Variants in SPAG4 observed in about 807,000 individuals in gnomAD.
SPAG4 encodes the protein sperm associated antigen 4.
A neutral mutation model predicts 53.9 loss-of-function variants in SPAG4; 54 were observed. The observed-to-expected ratio is 1.00, with a 90% confidence interval of 0.80 to 1.26. The LOEUF is 1.26. Among genes scored for constraint, SPAG4 ranks in the 50% most tolerant of loss-of-function variants. The probability of loss-of-function intolerance (pLI) is 0.00; values close to 1 mark genes in which losing one functional copy is unlikely to be tolerated. For synonymous variants in SPAG4, 246 were observed against 237.4 expected (o/e 1.04, Z -0.33); for missense variants, 548 against 568.6 (o/e 0.96, Z 0.37).
intron 6 of SPAG4, 67 bp from the exon 7 acceptor site, chr20:35,618,544 TG>T (rs1334394888): frequency 1.2e-6 from 2 of 1,601,864 alleles, no homozygotes; most frequent in Non-Finnish European, 1.7e-6. Context: ...CTTGAAGGCG[TG>T]GGGGCCTTTG....
rs747203287 is a variant in SPAG4, at chr20:35,621,069, G to A, written c.*47G>A. On this transcript the variant is annotated 3_prime_UTR_variant, in exon 12 of 12. Coordinates refer to ENST00000374273, the MANE Select transcript of SPAG4 (RefSeq NM_003116.3). ...AATTGAGTTCTGCTGAAGGATACTG[G>A]ATCAGTGCTTTCGGGGGCTCTGTTG... 2.3e-5 allele frequency: 36 copies of A among 1,594,068 alleles called. No individual in the cohort carries two copies. The Admixed American group carries it at 2.9e-4, about 13-fold the overall frequency.
At chr20:35,617,042 C>G in intron 1 of SPAG4, 94 bp from the exon 2 acceptor site, 1 of 796,946 alleles carries the variant, frequency 1.3e-6, no homozygotes. Flanking sequence ...TCCCAGCTGT[C>G]TGGCTTGTGG....
At position 35,619,764 on chromosome 20, in the gene SPAG4, C is replaced by A; in HGVS notation, c.1077+18C>A. ...CGGTCTTTGTGAGTGCGGACGAGGT[C>A]AGGAGGTGGGGGATTTTGCCTAGAG... is the stretch of plus-strand genomic sequence containing the variant. On this transcript the variant is annotated intron_variant, in intron 10 of 11. Coordinates refer to ENST00000374273, the MANE Select transcript of SPAG4 (RefSeq NM_003116.3). The A allele has an allele frequency of 6.3e-7, 1 of 1,595,574 alleles. No individual in the cohort carries two copies. The highest frequency in any genetic ancestry group is 1.1e-5 in the South Asian group (1 of 90,562).
intron 1 of SPAG4, chr20:35,616,742 G>C (rs891813180): frequency 9.0e-6 from 2 of 221,230 alleles, no homozygotes; most frequent in Non-Finnish European, 1.8e-5. Context: ...CGATTCTCCC[G>C]CCTCAGCCTC....
chr20:35,619,701 G>A lies in SPAG4; in HGVS notation c.1032G>A (p.Glu344=). 1.2e-6 allele frequency: 2 copies of A among 1,613,482 alleles called. No homozygotes were observed. Among genetic ancestry groups the A allele is most frequent in the Non-Finnish European group, 1.7e-6 (2 of 1,179,552 alleles). The part of the protein sequence containing the change: ...ITLQHPPPSV[E]HTGGANSAPR... Reference sequence around the variant, plus strand: ...TGCAGCATCCACCGCCCAGCGTGGAGCACACCGGAGGAGCCAACAGCGCCC... The same window carrying A: ...TGCAGCATCCACCGCCCAGCGTGGAACACACCGGAGGAGCCAACAGCGCCC... The change falls in exon 10 of 12, where the codon GAG becomes GAA. Residue 344 remains glutamate, a synonymous_variant. Transcript: ENST00000374273.
At chr20:35,619,491 A>T in intron 9 of SPAG4, 88 bp from the exon 10 acceptor site, 1 of 1,550,018 alleles carries the variant, frequency 6.5e-7, no homozygotes, top group Non-Finnish European at 8.8e-7. Flanking sequence ...GGGCGGGTCG[A>T]TGGATGGGGT....
Position 35,619,642 on chromosome 20 carries a change from C to G in SPAG4, c.973C>G (p.Leu325Val). ...CGACCAAGGCCAGGTGGTGATCCAA[C>G]TGCCGGGCCGAGTGCAGCTGAGCGA... ...EGDQGQVVIQ[L>V]PGRVQLSDIT... Residue 325 changes from leucine to valine, a missense_variant, in exon 10 of 12, where the codon CTG becomes GTG. By Grantham distance (32) the Leu-to-Val change is conservative. Transcript: ENST00000374273. 1.2e-6 allele frequency: 2 copies of G among 1,614,058 alleles called. No homozygotes were observed. The highest frequency in any genetic ancestry group is 1.7e-6 in the Non-Finnish European group (2 of 1,180,016).
intron 6 of SPAG4, 32 bp downstream of exon 6, chr20:35,618,507 G>C (rs1451242331): frequency 2.0e-5 from 33 of 1,613,280 alleles, no homozygotes; most frequent in Non-Finnish European, 2.7e-5. Flanking sequence ...GGGAAATTGG[G>C]GGGCTCAAAG....
chr20:35,617,554 C>T lies in SPAG4; in HGVS notation c.444C>T (p.Ser148=). 1 of 1,604,684 alleles carries T rather than the reference C, an allele frequency of 6.2e-7. No individual in the cohort carries two copies. Among genetic ancestry groups the T allele is most frequent in the Non-Finnish European group, 8.5e-7 (1 of 1,175,328 alleles). Residue 148 remains serine (S), a synonymous_variant, in exon 3 of 12, where the codon TCC becomes TCT. Transcript: ENST00000374273. The part of the protein sequence containing the change: ...LLFQGLSVLL[S]LAGDVLVSMY... ...TCCAGGGGCTGAGCGTGTTGTTATC[C>T]CTGGCAGGAGACGTGCTGGTCAGCA...
intron 8 of SPAG4, 37 bp downstream of exon 8, chr20:35,619,035 C>G: frequency 1.3e-6 from 2 of 1,579,148 alleles, no homozygotes; most frequent in Non-Finnish European, 1.7e-6. Context: ...GAGACGCAGA[C>G]AGGAAAGAGG....
chr20:35,619,664 G>T lies in SPAG4; in HGVS notation c.995G>T (p.Ser332Ile), dbSNP rs1334426370. The change falls in exon 10 of 12, where the codon AGC becomes ATC. Residue 332 changes from serine (S) to isoleucine (I), a missense_variant. Physicochemically the swap from Ser to Ile is moderately radical, Grantham distance 142. Coordinates refer to ENST00000374273, the MANE Select transcript of SPAG4 (RefSeq NM_003116.3). ...CAACTGCCGGGCCGAGTGCAGCTGA[G>T]CGACATCACTCTGCAGCATCCACCG... is the stretch of plus-strand genomic sequence containing the variant. Reference protein sequence around the residue: ...VIQLPGRVQLSDITLQHPPPS... With the variant: ...VIQLPGRVQLIDITLQHPPPS... 1 of 1,614,068 alleles carries T rather than the reference G, an allele frequency of 6.2e-7. No individual in the cohort carries two copies. Among genetic ancestry groups the T allele is most frequent in the East Asian group, 2.2e-5 (1 of 44,854 alleles).
chr20:35,616,141 G>C lies in SPAG4; in HGVS notation c.138G>C (p.Glu46Asp), dbSNP rs754107223. 1.2e-6 allele frequency: 2 copies of C among 1,604,546 alleles called. No homozygotes were observed. Among genetic ancestry groups the C allele is most frequent in the East Asian group, 2.3e-5 (1 of 44,404 alleles). The change falls in exon 1 of 12, where the codon GAG becomes GAC. Residue 46 changes from glutamate to aspartate, a missense_variant. Glu to Asp is a conservative substitution (Grantham distance 45). Coordinates refer to ENST00000374273, the MANE Select transcript of SPAG4 (RefSeq NM_003116.3). ...GLRSAEPGPG[E>D]PEGRRARGPS... Reference sequence around the variant, plus strand: ...GGTCAGCGGAGCCCGGGCCTGGGGAGCCCGAGGGCAGAAGAGCCCGGGGCC... The same window carrying C: ...GGTCAGCGGAGCCCGGGCCTGGGGACCCCGAGGGCAGAAGAGCCCGGGGCC...
chr20:35,616,947 C>T, intron 1 of SPAG4, 189 bp from the exon 2 acceptor site: 3 of 586,372 alleles, frequency 5.1e-6, no homozygotes, highest in Non-Finnish European at 9.1e-6. Flanking sequence ...CAACTCTTGA[C>T]GGAGCCTCCC....
intron 6 of SPAG4, 28 bp downstream of exon 6, chr20:35,618,503 T>C (rs1041399414): frequency 8.7e-6 from 14 of 1,613,384 alleles, no homozygotes; most frequent in East Asian, 2.2e-5. Context: ...GGGTGGGAAA[T>C]TGGGGGGCTC....
intron 10 of SPAG4, 90 bp downstream of exon 10, chr20:35,619,836 T>G: frequency 2.3e-6 from 3 of 1,327,996 alleles, no homozygotes; most frequent in Non-Finnish European, 3.1e-6. Context: ...AGTCTTCGCT[T>G]GCTCATCTAT....
In SPAG4 at chr20:35,617,562, G is replaced by T; in HGVS notation, c.452G>T (p.Gly151Val). 1 of 1,605,764 alleles carries T rather than the reference G, an allele frequency of 6.2e-7. No individual in the cohort carries two copies. The change falls in exon 3 of 12, where the codon GGA becomes GTA. Residue 151 changes from glycine to valine, a missense_variant. Coordinates refer to ENST00000374273, the MANE Select transcript of SPAG4 (RefSeq NM_003116.3). ...QGLSVLLSLA[G>V]DVLVSMYREV... The stretch of plus-strand genomic sequence containing the variant: ...CTGAGCGTGTTGTTATCCCTGGCAG[G>T]AGACGTGCTGGTCAGCATGTACAGG...
chr20:35,619,354 T>C (rs1203033704), intron 9 of SPAG4, 44 bp downstream of exon 9: 1 of 1,571,900 alleles, frequency 6.4e-7, no homozygotes, highest in African/African-American at 1.4e-5. Flanking sequence ...GGCGGGACGC[T>C]GGGAAAAGCA....
At chr20:35,617,316 C>T in intron 2 of SPAG4, 76 bp downstream of exon 2, 1 of 1,123,548 alleles carries the variant, frequency 8.9e-7, no homozygotes, top group Non-Finnish European at 1.3e-6. Context: ...TCTGAGCCCC[C>T]GGCCCCCGTT....
At chr20:35,618,410 G>T in intron 5 of SPAG4, 40 bp from the exon 6 acceptor site, 2 of 1,613,442 alleles carry the variant, frequency 1.2e-6, no homozygotes, top group South Asian at 2.2e-5. Context: ...AAGGACGACG[G>T]GAGCTGAGCG....
Sources: allele counts gnomAD v4.1 joint callset, GRCh38; gene constraint gnomAD v4.1.1; transcripts MANE v1.5; gene names NCBI Gene and HGNC (gene_info 2026-07-23, HGNC 2026-07-21).